The following SRPK1 variants were observed in gnomAD, a reference collection of about 807,000 sequenced individuals.
SRPK1 encodes the protein SFRS protein kinase 1.
A neutral mutation model predicts 89.5 loss-of-function variants in SRPK1; 52 were observed. The ratio of observed to expected loss-of-function variants is 0.58; its 90% CI spans 0.46 to 0.73. The LOEUF is 0.73. SRPK1 is among the 30% of genes least tolerant of loss of function. The probability of loss-of-function intolerance (pLI) is 0.00; values close to 1 mark genes in which losing one functional copy is unlikely to be tolerated. For synonymous variants in SRPK1, 255 were observed against 270.2 expected, an observed-to-expected ratio of 0.94 and a Z score of 0.55; for missense variants, 603 against 780.6, an observed-to-expected ratio of 0.77 and a Z score of 2.71.
intron 13 of SRPK1, among the ~76,000 whole-genome samples, chr6:35,842,970 C>CTT (rs534065184): frequency 1.0e-4 from 14 of 136,376 alleles, no homozygotes; most frequent in South Asian, 2.3e-4. Context: ...AAGAACAGGT[C>CTT]TTTTTTTTTT....
intron 6 of SRPK1, among the ~76,000 whole-genome samples, chr6:35,883,456 AG>A (rs1239243493): frequency 1.5e-5 from 2 of 135,848 alleles, no homozygotes; most frequent in Non-Finnish European, 3.3e-5. Context: ...TTTAAAATGC[AG>A]ATTACTTAAA....
At chr6:35,838,692 C>T in intron 14 of SRPK1, 2 of 1,476,668 alleles carry the variant, frequency 1.4e-6, no homozygotes, top group South Asian at 1.1e-5. Flanking sequence ...CTGGGTCCTA[C>T]ATAACAATAC....
chr6:35,869,251 A>G (rs1406326361), intron 11 of SRPK1, 141 bp from the exon 12 acceptor site: 5 of 880,310 alleles, frequency 5.7e-6, no homozygotes, highest in South Asian at 1.8e-5. Context: ...AAAAGAGCAC[A>G]GCAACGCCTT....
chr6:35,919,910 G>A (rs981671004), intron 2 of SRPK1, among the ~76,000 whole-genome samples: 1 of 152,172 alleles, frequency 6.6e-6, no homozygotes, highest in Non-Finnish European at 1.5e-5. Context: ...GCGGTCTGCC[G>A]GCACACTGCA....
chr6:35,870,878 A>C (rs1165442074), intron 9 of SRPK1, 56 bp downstream of exon 9: 7 of 1,418,068 alleles, frequency 4.9e-6, no homozygotes, highest in Admixed American at 4.4e-5. Context: ...ACAACAGAAG[A>C]ACCCATGCCC....
intron 13 of SRPK1, among the ~76,000 whole-genome samples, chr6:35,847,472 T>A (rs1233416411): frequency 6.6e-6 from 1 of 152,182 alleles, no homozygotes; most frequent in Admixed American, 6.5e-5. Context: ...CTTTCCAAAG[T>A]GCTGGGATTA....
At chr6:35,871,029 A>G in intron 8 of SRPK1, 70 bp from the exon 9 acceptor site, 1 of 1,307,364 alleles carries the variant, frequency 7.6e-7, no homozygotes, top group Non-Finnish European at 1.1e-6. Context: ...GCTCAGATAA[A>G]ACACTCTACC....
At position 35,835,201 on chromosome 6, in the gene SRPK1, C is replaced by T. The variant is rs1191911199; in HGVS notation, c.*103G>A. 9.6e-7 allele frequency: 1 copy of T among 1,042,432 alleles called. No homozygotes were observed. Among genetic ancestry groups the T allele is most frequent in the African/African-American group, 1.6e-5 (1 of 62,182 alleles). The allele number at this position is 1,042,432 out of a possible 1,614,324, so 64.6% of individuals were successfully genotyped here. On this transcript the variant is annotated 3_prime_UTR_variant, in exon 16 of 16. Coordinates refer to ENST00000373825, the MANE Select transcript of SRPK1 (RefSeq NM_003137.5). ...TTAAAAAAAAAACAAGATCTAGAAA[C>T]TCTTGAAGGAAGAGCTTCACCCTGA...
intron 13 of SRPK1, among the ~76,000 whole-genome samples, chr6:35,847,360 C>A (rs1211388188): frequency 8.6e-5 from 13 of 151,964 alleles, no homozygotes; most frequent in Non-Finnish European, 1.5e-4. Context: ...TATGTGCCAC[C>A]ACATCTGGCT....
At chr6:35,904,582 T>A (rs1191758515) in intron 2 of SRPK1, among the ~76,000 whole-genome samples, 2 of 151,866 alleles carry the variant, frequency 1.3e-5, no homozygotes, top group Non-Finnish European at 2.9e-5. Flanking sequence ...AGGCAGATCA[T>A]GAGGTCAGGA....
chr6:35,888,220 C>T (rs1004784084), intron 4 of SRPK1, 109 bp from the exon 5 acceptor site: 2 of 610,688 alleles, frequency 3.3e-6, no homozygotes, highest in Non-Finnish European at 2.6e-6. Context: ...TTCACGTTTC[C>T]CTGTAGCCCA....
intron 2 of SRPK1, among the ~76,000 whole-genome samples, chr6:35,891,685 C>A (rs1770521192): frequency 6.6e-6 from 1 of 150,762 alleles, no homozygotes. Flanking sequence ...CAAGATTGTG[C>A]CATTACACTC....
At chr6:35,913,969 CTTTTTTTTTTTT>C (rs545555860) in intron 2 of SRPK1, among the ~76,000 whole-genome samples, 2 of 92,934 alleles carry the variant, frequency 2.2e-5, no homozygotes, top group Non-Finnish European at 4.2e-5. Context: ...GATACTTTCT[CTTTTTTTTTTTT>C]TTTTTTTTTT....
intron 12 of SRPK1, among the ~76,000 whole-genome samples, chr6:35,864,711 A>G (rs1769857349): frequency 1.3e-5 from 2 of 152,240 alleles, no homozygotes. Context: ...ACGAAAGGAA[A>G]TCTGTATATA....
At chr6:35,920,205 G>A (rs895421237) in intron 2 of SRPK1, 13 of 581,284 alleles carry the variant, frequency 2.2e-5, no homozygotes, top group African/African-American at 1.7e-4. Flanking sequence ...TGGAGTTGGG[G>A]AGGAAAGGTA....
chr6:35,850,236 T>G (rs918009388), intron 13 of SRPK1, among the ~76,000 whole-genome samples: 3 of 152,218 alleles, frequency 2.0e-5, no homozygotes, highest in Non-Finnish European at 2.9e-5. Flanking sequence ...AAGGTGGCTT[T>G]GAAACTCATT....
At chr6:35,841,354 A>G (rs1413728938) in intron 14 of SRPK1, among the ~76,000 whole-genome samples, 2 of 152,214 alleles carry the variant, frequency 1.3e-5, no homozygotes, top group Non-Finnish European at 2.9e-5. Flanking sequence ...ATCCCAGAAG[A>G]CCACATTTTG....
intron 10 of SRPK1, 21 bp from the exon 11 acceptor site, chr6:35,869,922 A>G: frequency 6.5e-7 from 1 of 1,527,974 alleles, no homozygotes; most frequent in South Asian, 1.3e-5. Flanking sequence ...AACGAACAAA[A>G]AAAGATATAT....
intron 6 of SRPK1, among the ~76,000 whole-genome samples, chr6:35,875,255 T>A (rs1404160657): frequency 7.2e-6 from 1 of 138,748 alleles, no homozygotes; most frequent in African/African-American, 2.8e-5. Flanking sequence ...TGGAGACTTC[T>A]TTTTTTTTTT....
Sources: allele counts gnomAD v4.1 joint callset (sites outside exome capture counted in the v4.1 genomes callset), GRCh38; gene constraint gnomAD v4.1.1; transcripts MANE v1.5; gene names NCBI Gene and HGNC (gene_info 2026-07-23, HGNC 2026-07-21).